The following PRIMPOL variants were observed in gnomAD, a reference collection of about 807,000 sequenced individuals.
PRIMPOL encodes primase and DNA directed polymerase, also known as DNA-directed primase/polymerase protein.
PRIMPOL carries 54 observed loss-of-function variants against 63.6 expected under a neutral mutation model. That is an observed-to-expected ratio of 0.85 (90% confidence interval 0.68 to 1.07). The LOEUF (loss-of-function observed/expected upper bound fraction) is 1.07, where lower values mean the gene tolerates loss of function less well. PRIMPOL is among the 50% of genes least tolerant of loss of function. The pLI is 0.00. For synonymous variants in PRIMPOL, 197 were observed against 220.2 expected (o/e 0.89, Z 0.93); for missense variants, 610 against 648.3 (o/e 0.94, Z 0.64).
At chr4:184,650,247 A>G (rs1743824719) in intron 1 of PRIMPOL, among the ~76,000 whole-genome samples, 2 of 152,266 alleles carry the variant, frequency 1.3e-5, no homozygotes, top group African/African-American at 4.8e-5. Flanking sequence ...ACAACAAAGT[A>G]GCATTTAACA....
intron 8 of PRIMPOL, 48 bp from the exon 9 acceptor site, chr4:184,682,196 TGTTA>T: frequency 1.1e-6 from 1 of 909,912 alleles, no homozygotes; most frequent in Non-Finnish European, 1.8e-6. Flanking sequence ...AGCCAGGCCT[TGTTA>T]GTTCCAGTGT....
chr4:184,674,496 G>T (rs1014753267), intron 7 of PRIMPOL, among the ~76,000 whole-genome samples: 1 of 152,090 alleles, frequency 6.6e-6, no homozygotes, highest in Non-Finnish European at 1.5e-5. Context: ...GGTTAGTTTT[G>T]CCTGTATTTT....
chr4:184,670,574 A>G (rs1201254766), intron 6 of PRIMPOL, among the ~76,000 whole-genome samples: 9 of 146,464 alleles, frequency 6.1e-5, no homozygotes, highest in Non-Finnish European at 1.3e-4. Context: ...GTGAGACAAG[A>G]GTCTCACTCT....
At chr4:184,669,035 C>G (rs1453616342) in intron 6 of PRIMPOL, among the ~76,000 whole-genome samples, 1 of 152,154 alleles carries the variant, frequency 6.6e-6, no homozygotes, top group African/African-American at 2.4e-5. Flanking sequence ...GCTGATGCTG[C>G]TGTCTGACAC....
rs1398380837 is a variant in PRIMPOL at position 184,691,552 on chromosome 4, T to C, written c.1349T>C (p.Val450Ala). ...EVWYQKCHDP[V>A]CKAENFKSDC... is the part of the protein sequence containing the mutation. ...TGGTATCAAAAATGTCATGACCCTG[T>C]ATGTAAAGCAGAAAACTTCAAATCT... The change falls in exon 12 of 14, where the codon GTA becomes GCA. Residue 450 changes from valine (V) to alanine (A), a missense_variant. Physicochemically the swap from Val to Ala is moderately conservative, Grantham distance 64. Coordinates refer to ENST00000314970, the MANE Select transcript of PRIMPOL (RefSeq NM_152683.4). 1 of 1,608,612 alleles carries C rather than the reference T, an allele frequency of 6.2e-7. No individual in the cohort carries two copies. Among genetic ancestry groups the C allele is most frequent in the Non-Finnish European group, 8.5e-7 (1 of 1,176,704 alleles).
At position 184,672,376 on chromosome 4, in the gene PRIMPOL, G is replaced by C. The variant is rs753996813; in HGVS notation, c.760G>C (p.Gly254Arg). The C allele has an allele frequency of 3.1e-6, 5 of 1,613,954 alleles. No homozygotes were observed. Among genetic ancestry groups the C allele is most frequent in the South Asian group, 1.1e-5 (1 of 91,072 alleles). Residue 254 changes from glycine to arginine, a missense_variant, in exon 7 of 14, where the codon GGG (glycine) becomes CGG (arginine). Coordinates refer to ENST00000314970, the MANE Select transcript of PRIMPOL (RefSeq NM_152683.4). ...GAATTCAAAGAAACTGGAGAGGCTG[G>C]GGTCAGCTGAGCAAAGCAGTCCTGA... is the stretch of plus-strand genomic sequence containing the variant. ...TSNSKKLERL[G>R]SAEQSSPDLS... is the part of the protein sequence containing the mutation.
At chr4:184,671,596 C>T (rs72689273) in intron 6 of PRIMPOL, among the ~76,000 whole-genome samples, 19,869 of 152,108 alleles carry the variant, frequency 0.13, 1,397 homozygotes, top group Middle Eastern at 0.17. Flanking sequence ...GCAGCATTGA[C>T]GCATCTTCTC....
chr4:184,689,569 C>T (rs886703133), intron 11 of PRIMPOL, among the ~76,000 whole-genome samples: 38 of 54,644 alleles, frequency 7.0e-4, no homozygotes, highest in African/African-American at 1.4e-3. Context: ...TCTCCTGCCT[C>T]AGCCCCCCGA....
At chr4:184,657,863 T>G (rs1009317073) in intron 3 of PRIMPOL, among the ~76,000 whole-genome samples, 1 of 151,866 alleles carries the variant, frequency 6.6e-6, no homozygotes. Context: ...TGTGGTGGCG[T>G]ATGCCTGTAA....
chr4:184,653,478 G>A (rs534357959), intron 2 of PRIMPOL, among the ~76,000 whole-genome samples: 6 of 152,274 alleles, frequency 3.9e-5, no homozygotes, highest in African/African-American at 1.4e-4. Flanking sequence ...TCTGTGCAAT[G>A]TTAAGAATTA....
chr4:184,657,832 A>G (rs1021957883), intron 3 of PRIMPOL, among the ~76,000 whole-genome samples: 2 of 152,072 alleles, frequency 1.3e-5, no homozygotes, highest in African/African-American at 4.8e-5. Context: ...TGTCTCTACT[A>G]TAAATACAAA....
intron 7 of PRIMPOL, among the ~76,000 whole-genome samples, chr4:184,677,341 G>C (rs763495720): frequency 6.6e-6 from 1 of 151,900 alleles, no homozygotes; most frequent in African/African-American, 2.4e-5. Flanking sequence ...TCACTTTTTC[G>C]TATGTGGATA....
Position 184,678,362 on chromosome 4 carries a change from A to G in PRIMPOL, c.975A>G (p.Gln325=), listed in dbSNP as rs1241451757. 2 of 1,607,038 alleles carry G rather than the reference A, an allele frequency of 1.2e-6. No individual in the cohort carries two copies. The highest frequency in any genetic ancestry group is 1.3e-5 in the African/African-American group (1 of 74,588). The change falls in exon 8 of 14, where the codon CAA becomes CAG. Residue 325 remains glutamine (Q), a synonymous_variant. Transcript: ENST00000314970. ...CAAAAGATGTTTCTGACGAATATCA[A>G]TATTTTCTCTCTTCTTTGGTCAGCA... The part of the protein sequence containing the change: ...IQSKDVSDEY[Q]YFLSSLVSNV...
intron 13 of PRIMPOL, among the ~76,000 whole-genome samples, chr4:184,693,585 T>G (rs1759592959): frequency 6.6e-6 from 1 of 152,230 alleles, no homozygotes; most frequent in Non-Finnish European, 1.5e-5. Flanking sequence ...TTATACCTGC[T>G]TTTCTATTGC....
At chr4:184,670,178 T>TGACAGTC (rs1382812148) in intron 6 of PRIMPOL, among the ~76,000 whole-genome samples, 1 of 152,194 alleles carries the variant, frequency 6.6e-6, no homozygotes, top group Non-Finnish European at 1.5e-5. Context: ...TTGATGCTAG[T>TGACAGTC]GACAGTCATC....
intron 6 of PRIMPOL, among the ~76,000 whole-genome samples, chr4:184,669,953 GAGAATTCAGTTAA>G (rs1234060990): frequency 2.0e-5 from 3 of 152,186 alleles, no homozygotes; most frequent in Non-Finnish European, 4.4e-5. Context: ...TTTCAGAAAA[GAGAATTCAGTTAA>G]ATGTAAGAGA....
At chr4:184,665,343 C>T (rs1295682186) in intron 5 of PRIMPOL, among the ~76,000 whole-genome samples, 2 of 152,194 alleles carry the variant, frequency 1.3e-5, no homozygotes, top group African/African-American at 4.8e-5. Flanking sequence ...TGACCTGTCT[C>T]TGACTCCAGC....
intron 4 of PRIMPOL, 22 bp from the exon 5 acceptor site, chr4:184,661,752 A>C: frequency 1.3e-6 from 2 of 1,484,274 alleles, no homozygotes; most frequent in Non-Finnish European, 1.9e-6. Flanking sequence ...TCAATTTAAC[A>C]ATCTTGAATT....
intron 11 of PRIMPOL, among the ~76,000 whole-genome samples, chr4:184,687,541 G>A (rs912469553): frequency 2.0e-5 from 3 of 152,124 alleles, no homozygotes; most frequent in African/African-American, 4.8e-5. Context: ...CCGATTTTGT[G>A]TTCATCTTTT....
Sources: allele counts gnomAD v4.1 joint callset (sites outside exome capture counted in the v4.1 genomes callset), GRCh38; gene constraint gnomAD v4.1.1; transcripts MANE v1.5; gene names NCBI Gene and HGNC (gene_info 2026-07-23, HGNC 2026-07-21).